Variants in CCSER1 observed in about 807,000 individuals in gnomAD.
The protein encoded by CCSER1 is serine-rich coiled-coil domain-containing protein 1.
CCSER1 carries 41 observed loss-of-function variants against 82.0 expected under a neutral mutation model. The ratio of observed to expected loss-of-function variants is 0.50; its 90% confidence interval spans 0.39 to 0.65. The LOEUF is 0.65. Ranked by LOEUF, CCSER1 falls within the 30% of genes least tolerant of loss-of-function variation. The pLI, the probability that CCSER1 is intolerant of heterozygous loss-of-function variation, is 0.00. For synonymous variants in CCSER1, 414 were observed against 383.9 expected, an observed-to-expected ratio of 1.08 and a Z score of -0.92; for missense variants, 1,119 against 1,064.2, an observed-to-expected ratio of 1.05 and a Z score of -0.72.
chr4:91,584,896 TCTTC>T (rs1560781364), intron 10 of CCSER1, among the ~76,000 whole-genome samples: 1 of 151,534 alleles, frequency 6.6e-6, no homozygotes, highest in Admixed American at 6.6e-5. Flanking sequence ...GTGACACATG[TCTTC>T]CTTCATTCTT....
intron 10 of CCSER1, among the ~76,000 whole-genome samples, chr4:91,549,204 C>CT (rs1762043162): frequency 6.6e-6 from 1 of 151,976 alleles, no homozygotes. Flanking sequence ...TCTAGTAGTT[C>CT]TTTTTTATTC....
At chr4:91,328,492 G>A (rs1276993902) in intron 10 of CCSER1, among the ~76,000 whole-genome samples, 1 of 152,100 alleles carries the variant, frequency 6.6e-6, no homozygotes, top group Non-Finnish European at 1.5e-5. Flanking sequence ...TTCCTACCAG[G>A]CCTCACCTTC....
At position 90,555,770 on chromosome 4, in the gene CCSER1, CATT is replaced by C. The variant is rs146897845; in HGVS notation, c.1725-72252_1725-72250del. ...ATAATAATTGCTAGCATAAGAAAGA[CATT>C]ATGTTCAATACATATCAATATACAT... On this transcript the variant is annotated intron_variant, in intron 5 of 10. Coordinates refer to ENST00000509176, the MANE Select transcript of CCSER1 (RefSeq NM_001145065.2). 7.5e-3 allele frequency among the ~76,000 whole-genome samples: 1,146 copies of C among 151,974 alleles called. 8 individuals carry two copies. The highest frequency in any genetic ancestry group is 0.031 in the Middle Eastern group (9 of 292).
At chr4:90,552,749 G>A (rs778484488) in intron 5 of CCSER1, among the ~76,000 whole-genome samples, 4 of 151,786 alleles carry the variant, frequency 2.6e-5, no homozygotes, top group East Asian at 2.0e-4. Context: ...GAGCCACTGC[G>A]CACAGCCCAC....
At chr4:90,771,047 AATATCTGTTTGC>A (rs1267333840) in intron 7 of CCSER1, among the ~76,000 whole-genome samples, 1 of 152,086 alleles carries the variant, frequency 6.6e-6, no homozygotes, top group African/African-American at 2.4e-5. Context: ...CCAAGTACAG[AATATCTGTTTGC>A]ATGGGATTGC....
intron 1 of CCSER1, among the ~76,000 whole-genome samples, chr4:90,173,976 AT>A (rs1236813565): frequency 6.6e-6 from 1 of 151,946 alleles, no homozygotes; most frequent in Non-Finnish European, 1.5e-5. Flanking sequence ...TTCTCAGCCT[AT>A]TTTGTAGGAT....
chr4:91,556,479 A>G (rs558057296), intron 10 of CCSER1, among the ~76,000 whole-genome samples: 1 of 151,262 alleles, frequency 6.6e-6, no homozygotes, highest in South Asian at 2.1e-4. Context: ...TGGCACATGT[A>G]TACATATGTA....
At chr4:91,324,869 T>C (rs1003104949) in intron 10 of CCSER1, among the ~76,000 whole-genome samples, 4 of 152,128 alleles carry the variant, frequency 2.6e-5, no homozygotes, top group Non-Finnish European at 5.9e-5. Context: ...GGACATGGAA[T>C]TTGGGAGGGG....
At chr4:90,780,043 A>T (rs1753535897) in intron 7 of CCSER1, among the ~76,000 whole-genome samples, 1 of 152,198 alleles carries the variant, frequency 6.6e-6, no homozygotes, top group Non-Finnish European at 1.5e-5. Context: ...CTTGTTATAT[A>T]AGATAATACA....
intron 10 of CCSER1, among the ~76,000 whole-genome samples, chr4:91,584,910 T>G (rs1462211770): frequency 6.6e-6 from 1 of 151,532 alleles, no homozygotes; most frequent in Non-Finnish European, 1.5e-5. Flanking sequence ...CCTTCATTCT[T>G]AACAAGTGTA....
chr4:90,629,552 A>C (rs973469476), intron 6 of CCSER1, among the ~76,000 whole-genome samples: 1 of 152,322 alleles, frequency 6.6e-6, no homozygotes, highest in South Asian at 2.1e-4. Context: ...TGATTCAGTT[A>C]TCTCCACCTG....
intron 3 of CCSER1, among the ~76,000 whole-genome samples, chr4:90,392,159 A>G (rs1004659000): frequency 6.6e-6 from 1 of 152,022 alleles, no homozygotes; most frequent in African/African-American, 2.4e-5. Flanking sequence ...AACAGCAGTC[A>G]TTAAATTTTA....
intron 9 of CCSER1, among the ~76,000 whole-genome samples, chr4:90,942,455 T>G (rs944136513): frequency 6.6e-6 from 1 of 152,204 alleles, no homozygotes; most frequent in Non-Finnish European, 1.5e-5. Flanking sequence ...ATTATTTTTC[T>G]ATTTTCCTCT....
At chr4:91,363,151 CAAAG>C (rs926915335) in intron 10 of CCSER1, among the ~76,000 whole-genome samples, 5 of 151,422 alleles carry the variant, frequency 3.3e-5, no homozygotes, top group East Asian at 1.9e-4. Context: ...ACAAAACAAA[CAAAG>C]AAACAAAAAA....
chr4:90,464,621 T>G (rs1244063366), intron 4 of CCSER1, among the ~76,000 whole-genome samples: 1 of 152,208 alleles, frequency 6.6e-6, no homozygotes, highest in African/African-American at 2.4e-5. Flanking sequence ...AAAATTCTTT[T>G]CACAGAAGAG....
chr4:91,549,337 C>G (rs768501349), intron 10 of CCSER1, among the ~76,000 whole-genome samples: 1 of 152,032 alleles, frequency 6.6e-6, no homozygotes, highest in Non-Finnish European at 1.5e-5. Flanking sequence ...GTAATTTTAA[C>G]ATTTCTGCCT....
intron 10 of CCSER1, among the ~76,000 whole-genome samples, chr4:91,345,011 A>G (rs577205996): frequency 2.0e-5 from 3 of 152,338 alleles, no homozygotes; most frequent in South Asian, 4.1e-4. Flanking sequence ...TTGAAAAGAA[A>G]TTAACAGAAG....
At chr4:90,492,890 G>A (rs187186520) in intron 5 of CCSER1, among the ~76,000 whole-genome samples, 5 of 152,186 alleles carry the variant, frequency 3.3e-5, no homozygotes, top group Admixed American at 3.3e-4. Context: ...GAGATAGTTT[G>A]TTAAAGCTTC....
chr4:91,422,936 G>T (rs1294837147), intron 10 of CCSER1, among the ~76,000 whole-genome samples: 1 of 151,998 alleles, frequency 6.6e-6, no homozygotes, highest in East Asian at 1.9e-4. Flanking sequence ...TAACATATAA[G>T]ATTTTCAAAT....
Sources: allele counts gnomAD v4.1 joint callset (sites outside exome capture counted in the v4.1 genomes callset), GRCh38; gene constraint gnomAD v4.1.1; transcripts MANE v1.5; gene names NCBI Gene and HGNC (gene_info 2026-07-23, HGNC 2026-07-21).